GRIP1: variants seen among roughly 807,000 people sequenced by gnomAD.
The protein encoded by GRIP1 is glutamate receptor-interacting protein 1.
Under a neutral mutation model 129.9 loss-of-function variants are expected in GRIP1, and 45 were observed. The ratio of observed to expected loss-of-function variants is 0.35; its 90% CI spans 0.27 to 0.44. GRIP1 has a LOEUF of 0.44. Among genes scored for constraint, GRIP1 ranks in the 20% least tolerant of loss-of-function variants. The probability of loss-of-function intolerance (pLI) is 1.00; values close to 1 mark genes in which losing one functional copy is unlikely to be tolerated. For missense variants in GRIP1, 1,196 were observed against 1,396.8 expected (o/e 0.86, Z 2.29); for synonymous variants, 530 against 520.8 (o/e 1.02, Z -0.24).
At chr12:66,891,900 C>T (rs1047487250) in intron 1 of GRIP1, 1 of 152,240 alleles carries the variant, frequency 6.6e-6, no homozygotes, top group African/African-American at 2.4e-5. Flanking sequence ...CTATGACATA[C>T]CTCCAGTGGG....
At chr12:66,706,075 A>G (rs564700353) in intron 1 of GRIP1, among the ~76,000 whole-genome samples, 15 of 152,328 alleles carry the variant, frequency 9.8e-5, no homozygotes, top group African/African-American at 3.1e-4. Flanking sequence ...TAAACCAAAG[A>G]GCTTCTGCAC....
At chr12:66,623,862 G>A (rs995693847) in intron 1 of GRIP1, among the ~76,000 whole-genome samples, 9 of 152,082 alleles carry the variant, frequency 5.9e-5, no homozygotes, top group African/African-American at 2.2e-4. Context: ...TTAGCTGGTC[G>A]TAGCTCCACA....
At chr12:66,356,369 T>A (rs2054487631) in intron 23 of GRIP1, among the ~76,000 whole-genome samples, 1 of 152,154 alleles carries the variant, frequency 6.6e-6, no homozygotes, top group Non-Finnish European at 1.5e-5. Flanking sequence ...ACTGCAAAGC[T>A]TAGATCTTGC....
chr12:66,881,831 G>A (rs1382583774), intron 1 of GRIP1, among the ~76,000 whole-genome samples: 1 of 152,122 alleles, frequency 6.6e-6, no homozygotes, highest in Non-Finnish European at 1.5e-5. Flanking sequence ...GTAACAAAAT[G>A]GCCAGACTGC....
intron 23 of GRIP1, among the ~76,000 whole-genome samples, chr12:66,357,617 T>A (rs192382826): frequency 1.4e-3 from 217 of 152,344 alleles, no homozygotes; most frequent in Middle Eastern, 6.8e-3. Context: ...TGCAAAGCGA[T>A]AATCTTTTTC....
chr12:67,012,626 C>G (rs1592465849), intron 1 of GRIP1, among the ~76,000 whole-genome samples: 1 of 152,114 alleles, frequency 6.6e-6, no homozygotes, highest in South Asian at 2.1e-4. Context: ...TGGCATTATC[C>G]TCAGTTTGCA....
At chr12:66,402,386 G>A (rs1030468508) in intron 16 of GRIP1, among the ~76,000 whole-genome samples, 2 of 152,174 alleles carry the variant, frequency 1.3e-5, no homozygotes, top group South Asian at 2.1e-4. Context: ...GACAATAAAC[G>A]AATGCTGATG....
At chr12:66,975,995 T>C (rs2042146097) in intron 1 of GRIP1, among the ~76,000 whole-genome samples, 2 of 152,224 alleles carry the variant, frequency 1.3e-5, no homozygotes, top group South Asian at 4.1e-4. Context: ...TCGAACTAAA[T>C]ATTTAATGTC....
intron 1 of GRIP1, among the ~76,000 whole-genome samples, chr12:66,696,927 A>C (rs755806782): frequency 1.1e-4 from 17 of 152,204 alleles, no homozygotes; most frequent in Non-Finnish European, 2.2e-4. Flanking sequence ...CTTGTTGAAT[A>C]AATGACTGAA....
At chr12:66,672,038 G>A (rs1477159632) in intron 1 of GRIP1, among the ~76,000 whole-genome samples, 1 of 152,090 alleles carries the variant, frequency 6.6e-6, no homozygotes, top group East Asian at 1.9e-4. Flanking sequence ...GTGCACAAAT[G>A]GGCAGAATAT....
At chr12:66,628,306 TAA>T (rs552571829) in intron 1 of GRIP1, among the ~76,000 whole-genome samples, 3,302 of 152,254 alleles carry the variant, frequency 0.022, 118 homozygotes, top group African/African-American at 0.075. Context: ...ATGCCTTCAA[TAA>T]AAATTCCTTG....
At chr12:66,736,346 ATTTTTTTTTTTTTTTTTTTTTTTTT>A (rs547706592) in intron 1 of GRIP1, among the ~76,000 whole-genome samples, 674 of 67,016 alleles carry the variant, frequency 0.01, 25 homozygotes, top group African/African-American at 0.03. Flanking sequence ...TGCCTGGCTA[ATTTTTTTTTTTTTTTTTTTTTTTTT>A]TTTTTTTTTT....
intron 15 of GRIP1, among the ~76,000 whole-genome samples, chr12:66,410,620 C>T (rs139749501): frequency 0.017 from 2,561 of 151,480 alleles, 67 homozygotes; most frequent in African/African-American, 0.059. Flanking sequence ...TCAGCCTGGG[C>T]ATCAGAGTGA....
rs192980473 is a variant in GRIP1 at position 66,478,666 on chromosome 12, G to T, written c.725-13244C>A. On this transcript the variant is annotated intron_variant, in intron 7 of 24. Transcript: ENST00000359742. ...ATGATAGACTGGATTAAGAAAATGTGGCACATATACACCATGGAATACTAT... is the reference window on the plus strand; with the variant it reads ...ATGATAGACTGGATTAAGAAAATGTTGCACATATACACCATGGAATACTAT... Among the ~76,000 whole-genome samples, 645 of 151,910 alleles carry T rather than the reference G, an allele frequency of 4.2e-3. 19 individuals carry two copies. The highest frequency in any genetic ancestry group is 0.039 in the Admixed American group (597 of 15,228).
chr12:66,704,355 A>G (rs2035456654), intron 1 of GRIP1, among the ~76,000 whole-genome samples: 1 of 152,006 alleles, frequency 6.6e-6, no homozygotes, highest in South Asian at 2.1e-4. Context: ...AAATGTAATC[A>G]GAATTGTAAA....
At chr12:66,667,834 A>C (rs1414537859) in intron 1 of GRIP1, among the ~76,000 whole-genome samples, 2 of 152,166 alleles carry the variant, frequency 1.3e-5, no homozygotes, top group Non-Finnish European at 2.9e-5. Flanking sequence ...CATCCTTCAA[A>C]AAATCATCTT....
intron 13 of GRIP1, among the ~76,000 whole-genome samples, chr12:66,443,733 G>A (rs1445563749): frequency 6.6e-6 from 1 of 152,100 alleles, no homozygotes; most frequent in African/African-American, 2.4e-5. Context: ...TGGGATTAAA[G>A]GCATGAGGTA....
intron 1 of GRIP1, among the ~76,000 whole-genome samples, chr12:66,696,251 A>G (rs2035152535): frequency 6.6e-6 from 1 of 152,144 alleles, no homozygotes; most frequent in Admixed American, 6.5e-5. Flanking sequence ...AAGTCAACCT[A>G]TTCATTTCTC....
intron 2 of GRIP1, among the ~76,000 whole-genome samples, chr12:66,588,662 C>T (rs753517058): frequency 3.3e-5 from 5 of 152,098 alleles, no homozygotes; most frequent in Non-Finnish European, 7.3e-5. Context: ...AGACAAGCGA[C>T]TTTAGCTCTC....
Sources: gnomAD v4.1 joint callset for allele counts (sites outside exome capture counted in the v4.1 genomes callset) on GRCh38, gnomAD v4.1.1 for gene constraint, MANE v1.5 for transcripts, NCBI Gene and HGNC (gene_info 2026-07-23, HGNC 2026-07-21) for gene names.